The following ADGRB1 variants were observed in gnomAD, a reference collection of about 807,000 sequenced individuals.
ADGRB1 encodes the protein adhesion G protein-coupled receptor B1.
ADGRB1 carries 36 observed loss-of-function variants against 175.7 expected under a neutral mutation model. The ratio of observed to expected loss-of-function variants is 0.20; its 90% CI spans 0.16 to 0.27. The LOEUF (loss-of-function observed/expected upper bound fraction) is 0.27, where lower values mean the gene tolerates loss of function less well. Among genes scored for constraint, ADGRB1 ranks in the 10% least tolerant of loss-of-function variants. The pLI, the probability that ADGRB1 is intolerant of heterozygous loss-of-function variation, is 1.00. For missense variants in ADGRB1, 1,731 were observed against 2,255.3 expected (o/e 0.77, Z 4.71); for synonymous variants, 1,054 against 979.4 (o/e 1.08, Z -1.42).
At chr8:142,544,136 G>T (rs1045787017) in intron 30 of ADGRB1, 84 bp from the exon 31 acceptor site, 9 of 1,418,028 alleles carry the variant, frequency 6.3e-6, no homozygotes, top group Non-Finnish European at 8.6e-6. Context: ...TCACTGATTC[G>T]TGTCTGCCTC....
chr8:142,513,325 ACAGT>A lies in ADGRB1; in HGVS notation c.2817+2256_2817+2259del, dbSNP rs142949546. 2.6e-3 allele frequency among the ~76,000 whole-genome samples: 394 copies of A among 152,238 alleles called. 3 individuals carry two copies. The highest frequency in any genetic ancestry group is 6.1e-3 in the African/African-American group (252 of 41,552). On this transcript the variant is annotated intron_variant, in intron 18 of 30. Transcript: ENST00000517894. ...TGGGCACCAGCAGGGGTGTGAGCTGACAGTCAGAGTGCCAGGAAGAAGCCAGGGT... is the reference window on the plus strand; with the variant it reads ...TGGGCACCAGCAGGGGTGTGAGCTGACAGAGTGCCAGGAAGAAGCCAGGGT...
At chr8:142,522,190 C>T (rs375014007) in intron 21 of ADGRB1, 75 bp downstream of exon 21, 1 of 1,550,728 alleles carries the variant, frequency 6.4e-7, no homozygotes, top group Non-Finnish European at 8.7e-7. Flanking sequence ...CTGGCAGCCC[C>T]TCCTCTCCCC....
At chr8:142,520,676 G>T in intron 19 of ADGRB1, 147 bp from the exon 20 acceptor site, 1 of 629,230 alleles carries the variant, frequency 1.6e-6, no homozygotes, top group Non-Finnish European at 2.9e-6. Context: ...TGATGGTGGC[G>T]GTGATGATGG....
At chr8:142,498,716 CCCTGCCTACCACTCCCCGCACACCTCCCG>C (rs1318987999) in intron 17 of ADGRB1, among the ~76,000 whole-genome samples, 1 of 152,130 alleles carries the variant, frequency 6.6e-6, no homozygotes, top group African/African-American at 2.4e-5. Context: ...GCTGCACCTC[CCCTGCCTACCACTCCCCGCACACCTCCCG>C]CCTGCCCACC....
chr8:142,460,079 G>C (rs552492989), intron 1 of ADGRB1, among the ~76,000 whole-genome samples: 1 of 152,384 alleles, frequency 6.6e-6, no homozygotes, highest in East Asian at 1.9e-4. Context: ...CCTGGCGTGG[G>C]GGGGACAGGA....
At chr8:142,486,807 C>T (rs1841694111) in intron 13 of ADGRB1, among the ~76,000 whole-genome samples, 1 of 152,114 alleles carries the variant, frequency 6.6e-6, no homozygotes, top group African/African-American at 2.4e-5. Flanking sequence ...TCGCTTGAGC[C>T]CAGGAGTTTG....
Position 142,476,713 on chromosome 8 carries a change from G to T in ADGRB1, c.1057+18G>T. ...CCAGACCGGTGAGCTGGCGGGAGGG[G>T]GGTGGGTGGGACTAGGGCTTTGGGA... On this transcript the variant is annotated intron_variant, in intron 4 of 30. Transcript: ENST00000517894. 2 of 1,538,268 alleles carry T rather than the reference G, an allele frequency of 1.3e-6. No individual in the cohort carries two copies. Among genetic ancestry groups the T allele is most frequent in the Non-Finnish European group, 1.8e-6 (2 of 1,139,564 alleles).
At chr8:142,509,433 G>T (rs572120109) in intron 17 of ADGRB1, among the ~76,000 whole-genome samples, 1 of 152,336 alleles carries the variant, frequency 6.6e-6, no homozygotes, top group Non-Finnish European at 1.5e-5. Context: ...TTCGTGTGGG[G>T]TCAGGGCTGC....
chr8:142,543,943 T>G lies in ADGRB1; in HGVS notation c.4557+235T>G, dbSNP rs1845442102. Among the ~76,000 whole-genome samples the G allele has an allele frequency of 6.6e-6, 1 of 152,096 alleles. No individual in the cohort carries two copies. The highest frequency in any genetic ancestry group is 1.5e-5 in the Non-Finnish European group (1 of 68,000). On this transcript the variant is annotated intron_variant, in intron 30 of 30. Coordinates refer to ENST00000517894, the MANE Select transcript of ADGRB1 (RefSeq NM_001702.3). This position sits in a 1 kb window ranked among gnomAD's most constrained non-coding sequence, Gnocchi z 4.4. ...GAGCCTGCTCCTGGGGCCAGGGGTC[T>G]GGATTGGGGTGGAGCCAATCCAGGG...
intron 1 of ADGRB1, among the ~76,000 whole-genome samples, chr8:142,458,447 T>TGA (rs1295860841): frequency 6.6e-6 from 1 of 152,014 alleles, no homozygotes; most frequent in Non-Finnish European, 1.5e-5. Flanking sequence ...GCAGAAGCTG[T>TGA]GAGATTGAAG....
At chr8:142,508,926 G>C (rs1563724437) in intron 17 of ADGRB1, among the ~76,000 whole-genome samples, 1 of 152,240 alleles carries the variant, frequency 6.6e-6, no homozygotes, top group Non-Finnish European at 1.5e-5. Flanking sequence ...CAGCCCTGCA[G>C]AACCTCAGGC....
At chr8:142,520,209 GTGA>G (rs1417616060) in intron 19 of ADGRB1, among the ~76,000 whole-genome samples, 1 of 149,550 alleles carries the variant, frequency 6.7e-6, no homozygotes, top group Non-Finnish European at 1.5e-5. Flanking sequence ...AGTGATTATG[GTGA>G]TGGTGGTGGT....
chr8:142,531,514 C>T (rs567569063), intron 24 of ADGRB1, among the ~76,000 whole-genome samples: 2 of 152,202 alleles, frequency 1.3e-5, no homozygotes, highest in African/African-American at 4.8e-5. Context: ...AGGTTGGTGG[C>T]CTCTAGTACA....
Position 142,478,305 on chromosome 8 carries a change from G to C in ADGRB1, c.1506G>C (p.Ala502=). Residue 502 remains alanine, a synonymous_variant, in exon 7 of 31, where the codon GCG becomes GCC. Transcript: ENST00000517894. ...GCAACGGGCCTTCCTACGGGGGTGC[G>C]GAGTGCCAGGGCCACTGGGTGGAGA... ...RECNGPSYGG[A]ECQGHWVETR... 6.2e-7 allele frequency: 1 copy of C among 1,610,348 alleles called. No homozygotes were observed. Among genetic ancestry groups the C allele is most frequent in the Non-Finnish European group, 8.5e-7 (1 of 1,178,874 alleles).
chr8:142,455,838 G>A lies in ADGRB1; in HGVS notation c.-220+5734G>A, dbSNP rs557486118. 1.2e-4 allele frequency among the ~76,000 whole-genome samples: 19 copies of A among 152,314 alleles called. No individual in the cohort carries two copies. The highest frequency in any genetic ancestry group is 4.1e-4 in the African/African-American group (17 of 41,564). The stretch of plus-strand genomic sequence containing the variant: ...CCCACACCCCACCCCCGACCACCGG[G>A]CCCTGGGGGCACACGGTTGGTCTTT... On this transcript the variant is annotated intron_variant, in intron 1 of 30. Transcript: ENST00000517894. The surrounding 1 kb of genome is among the most constrained non-coding windows in gnomAD (Gnocchi z 4.9).
intron 2 of ADGRB1, among the ~76,000 whole-genome samples, chr8:142,472,508 G>A (rs1162225716): frequency 1.3e-5 from 2 of 152,202 alleles, no homozygotes; most frequent in Admixed American, 1.3e-4. Context: ...GCCACCCAGT[G>A]AAGCGTGGCT....
chr8:142,539,666 C>A lies in ADGRB1; in HGVS notation c.3706+253C>A, dbSNP rs1845148009. 14 of 576,034 alleles carry A rather than the reference C, an allele frequency of 2.4e-5. No homozygotes were observed. The East Asian group carries it at 4.0e-4, about 16-fold the overall frequency. The allele number at this position is 576,034 out of a possible 1,614,324, so 35.7% of individuals were successfully genotyped here. Reference sequence around the variant, plus strand: ...TGATCAGAAGCTTCCAGAACACTGCCCTGGCACTCCTGCTGAGCAGGTGCC... The same window carrying A: ...TGATCAGAAGCTTCCAGAACACTGCACTGGCACTCCTGCTGAGCAGGTGCC... On this transcript the variant is annotated intron_variant, in intron 27 of 30. Transcript: ENST00000517894.
chr8:142,512,918 T>TGTGCCCCAGTGCACGAGGGGGAG (rs1843180933), intron 18 of ADGRB1, among the ~76,000 whole-genome samples: 3 of 151,066 alleles, frequency 2.0e-5, no homozygotes, highest in African/African-American at 4.9e-5. Context: ...AGACCCACTA[T>TGTGCCCCAGTGCACGAGGGGGAG]GTGCCCCAGT....
intron 1 of ADGRB1, among the ~76,000 whole-genome samples, chr8:142,454,527 G>A (rs542845929): frequency 4.5e-4 from 68 of 152,168 alleles, no homozygotes; most frequent in Non-Finnish European, 7.1e-4. Flanking sequence ...CCTACAGACC[G>A]CACGATCCAG....
Sources: gnomAD v4.1 joint callset for allele counts (sites outside exome capture counted in the v4.1 genomes callset) on GRCh38, gnomAD v4.1.1 for gene constraint, Gnocchi (gnomAD v3.1) non-coding constraint, MANE v1.5 for transcripts, NCBI Gene and HGNC (gene_info 2026-07-23, HGNC 2026-07-21) for gene names.